Variants in ANOS1 observed in about 807,000 individuals in gnomAD.
ANOS1 encodes the protein anosmin 1.
Under a neutral mutation model 59.0 loss-of-function variants are expected in ANOS1, and 6 were observed. The ratio of observed to expected loss-of-function variants is 0.10; its 90% confidence interval spans 0.06 to 0.20. ANOS1 has a LOEUF of 0.20. Ranked by LOEUF, ANOS1 falls within the 10% of genes least tolerant of loss-of-function variation. The probability of loss-of-function intolerance (pLI) is 1.00; values close to 1 mark genes in which losing one functional copy is unlikely to be tolerated. For synonymous variants in ANOS1, 217 were observed against 223.4 expected (o/e 0.97, Z 0.25); for missense variants, 433 against 542.3 (o/e 0.80, Z 2.00).
At chrX:8,613,202 T>C (rs1229388480) in intron 3 of ANOS1, among the ~76,000 whole-genome samples, 10 of 93,461 alleles carry the variant, frequency 1.1e-4, no homozygotes, top group African/African-American at 4.4e-5. Context: ...TTTTTTCTTT[T>C]TCTTGTTCCT....
At chrX:8,561,830 G>A (rs1409185628) in intron 8 of ANOS1, among the ~76,000 whole-genome samples, 1 of 111,760 alleles carries the variant, frequency 8.9e-6, no homozygotes, top group Non-Finnish European at 1.9e-5. Context: ...AACTAGGACA[G>A]ATAATCAGTT....
chrX:8,721,480 T>C (rs1932874424), intron 1 of ANOS1, among the ~76,000 whole-genome samples: 1 of 112,158 alleles, frequency 8.9e-6, no homozygotes, highest in Non-Finnish European at 1.9e-5. Flanking sequence ...AACAACTGTG[T>C]CAGCTCCAAA....
intron 2 of ANOS1, among the ~76,000 whole-genome samples, chrX:8,677,603 A>T (rs1000170583): frequency 8.9e-6 from 1 of 111,892 alleles, no homozygotes; most frequent in African/African-American, 3.3e-5. Context: ...AGTTAAGGAA[A>T]TTAAAATTTA....
chrX:8,706,459 G>C (rs1208211852), intron 1 of ANOS1, among the ~76,000 whole-genome samples: 1 of 112,394 alleles, frequency 8.9e-6, no homozygotes, highest in Non-Finnish European at 1.9e-5. Flanking sequence ...TAAAGCAATA[G>C]ATGAAACTAT....
intron 2 of ANOS1, among the ~76,000 whole-genome samples, chrX:8,687,923 T>C (rs1602025921): frequency 8.9e-6 from 1 of 112,238 alleles, no homozygotes; most frequent in Non-Finnish European, 1.9e-5. Context: ...TTTCCTACAA[T>C]GACTGCTCTT....
intron 11 of ANOS1, among the ~76,000 whole-genome samples, chrX:8,536,123 G>T (rs1342118999): frequency 3.0e-5 from 3 of 100,919 alleles, no homozygotes; most frequent in Non-Finnish European, 5.9e-5. Flanking sequence ...ATTTCTTAAA[G>T]AATAGCATTG....
intron 2 of ANOS1, among the ~76,000 whole-genome samples, chrX:8,656,649 T>C (rs1256976083): frequency 8.9e-6 from 1 of 111,735 alleles, no homozygotes; most frequent in Non-Finnish European, 1.9e-5. Flanking sequence ...ACAAATTGGT[T>C]CTTCCCATGG....
intron 13 of ANOS1, among the ~76,000 whole-genome samples, chrX:8,534,106 T>G (rs1263819232): frequency 1.9e-5 from 2 of 106,196 alleles, no homozygotes; most frequent in Non-Finnish European, 3.9e-5. Flanking sequence ...AAAAGAACAA[T>G]TAAGCATCAA....
chrX:8,705,027 T>C (rs1023243354), intron 1 of ANOS1, among the ~76,000 whole-genome samples: 1 of 111,481 alleles, frequency 9.0e-6, no homozygotes, highest in Admixed American at 9.6e-5. Context: ...TTCCATTCTG[T>C]TTTTTCCTTG....
At chrX:8,555,883 T>C (rs990821329) in intron 8 of ANOS1, among the ~76,000 whole-genome samples, 2 of 112,247 alleles carry the variant, frequency 1.8e-5, no homozygotes, top group African/African-American at 6.5e-5. Context: ...CTGGCAGAGA[T>C]ACAACAAAAA....
At chrX:8,611,421 A>C (rs1308828269) in intron 3 of ANOS1, among the ~76,000 whole-genome samples, 3 of 110,416 alleles carry the variant, frequency 2.7e-5, no homozygotes, top group Non-Finnish European at 5.7e-5. Context: ...GATGGGAGAA[A>C]TCAATAAATA....
At chrX:8,566,137 C>T in intron 8 of ANOS1, 1 of 754,664 alleles carries the variant, frequency 1.3e-6, no homozygotes, top group Non-Finnish European at 1.6e-6. Context: ...TTCAGGACTT[C>T]ATGAGGGATG....
rs768981009 is a variant in ANOS1 at position 8,533,076 on chromosome X, A to G, written c.1985-23T>C. 1.8e-5 allele frequency: 17 copies of G among 960,352 alleles called. No homozygotes were observed. In the South Asian group the frequency reaches 3.3e-4, roughly 19 times the overall value. The allele number at this position is 960,352 out of a possible 1,213,427, so 79.1% of individuals were successfully genotyped here. On this transcript the variant is annotated intron_variant, in intron 13 of 13. Coordinates refer to ENST00000262648, the MANE Select transcript of ANOS1 (RefSeq NM_000216.4). ...ATCCTAAAAAGTGACAAAATATGTC[A>G]GTCACATCCATTTGTATGTATCAAA... is the stretch of plus-strand genomic sequence containing the variant.
At chrX:8,569,596 T>G (rs148781126) in intron 7 of ANOS1, among the ~76,000 whole-genome samples, 280 of 111,688 alleles carry the variant, frequency 2.5e-3, no homozygotes, top group African/African-American at 8.6e-3. Flanking sequence ...GAGCCGAGAT[T>G]GCTCCACTGC....
intron 9 of ANOS1, among the ~76,000 whole-genome samples, chrX:8,541,440 AT>A (rs201129688): frequency 0.12 from 12,262 of 99,641 alleles, 763 homozygotes; most frequent in Non-Finnish European, 0.14. Context: ...AAACAAAAAA[AT>A]AAAACAAAAA....
intron 2 of ANOS1, among the ~76,000 whole-genome samples, chrX:8,675,169 G>C (rs1932316803): frequency 9.0e-6 from 1 of 111,720 alleles, no homozygotes; most frequent in Non-Finnish European, 1.9e-5. Context: ...TCCCAAAGCT[G>C]TGAATTTGGC....
intron 8 of ANOS1, among the ~76,000 whole-genome samples, chrX:8,559,876 A>G (rs768187818): frequency 2.7e-5 from 3 of 111,641 alleles, no homozygotes; most frequent in Non-Finnish European, 5.6e-5. Flanking sequence ...CTCAAACTCA[A>G]CCCAGAAGTC....
chrX:8,593,377 A>AC (rs1930654568), intron 4 of ANOS1, among the ~76,000 whole-genome samples: 1 of 111,889 alleles, frequency 8.9e-6, no homozygotes, highest in Non-Finnish European at 1.9e-5. Flanking sequence ...GTAAAGGTAA[A>AC]CCGGGGAAAT....
intron 8 of ANOS1, among the ~76,000 whole-genome samples, chrX:8,556,084 T>C (rs1395825224): frequency 7.1e-5 from 8 of 112,044 alleles, no homozygotes; most frequent in Non-Finnish European, 1.5e-4. Context: ...AAAAAACACA[T>C]GATTATCTCA....
Sources: gnomAD v4.1 joint callset for allele counts (sites outside exome capture counted in the v4.1 genomes callset) on GRCh38, gnomAD v4.1.1 for gene constraint, MANE v1.5 for transcripts, NCBI Gene and HGNC (gene_info 2026-07-23, HGNC 2026-07-21) for gene names.